The following GRM5 variants were observed in gnomAD, a reference collection of about 807,000 sequenced individuals.
The protein encoded by GRM5 is glutamate metabotropic receptor 5.
In GRM5, 19 loss-of-function variants were observed where a neutral mutation model predicts 83.1. That is an observed-to-expected ratio of 0.23 (90% CI 0.16 to 0.34). GRM5 has a LOEUF of 0.34. Among genes scored for constraint, GRM5 ranks in the 10% least tolerant of loss-of-function variants. The pLI, the probability that GRM5 is intolerant of heterozygous loss-of-function variation, is 1.00. For synonymous variants in GRM5, 675 were observed against 633.6 expected (o/e 1.07, Z -0.98); for missense variants, 1,160 against 1,588.3 (o/e 0.73, Z 4.58).
rs1206432636 is a variant in GRM5 at position 88,745,211 on chromosome 11, T to C, written c.912-91808A>G. ...CTTTTTATTTTTCTTTTTTTTTTTT[T>C]CTGAGACAGAATCTTGTTCTGTTCT... On this transcript the variant is annotated intron_variant, in intron 3 of 9. Transcript: ENST00000305447. Among the ~76,000 whole-genome samples the C allele has an allele frequency of 7.0e-5, 10 of 142,390 alleles. No individual in the cohort carries two copies. The Admixed American group carries it at 7.3e-4, about 10-fold the overall frequency. The allele number at this position is 142,390 out of a possible 152,430, so 93.4% of individuals were successfully genotyped here. A position where few individuals can be genotyped will look rare whatever the true frequency, so the allele number is the denominator to read the frequency against.
At chr11:88,772,441 A>G (rs2135451448) in intron 3 of GRM5, among the ~76,000 whole-genome samples, 1 of 149,932 alleles carries the variant, frequency 6.7e-6, no homozygotes, top group East Asian at 2.0e-4. Flanking sequence ...CCCTTTATTT[A>G]TTTTTATTCA....
At chr11:88,535,330 C>A (rs778279199) in intron 8 of GRM5, among the ~76,000 whole-genome samples, 1 of 152,086 alleles carries the variant, frequency 6.6e-6, no homozygotes, top group Non-Finnish European at 1.5e-5. Context: ...CTTCTGAGAA[C>A]GATTTCTTTA....
chr11:88,514,134 A>G (rs1941460223), intron 9 of GRM5, among the ~76,000 whole-genome samples: 1 of 152,174 alleles, frequency 6.6e-6, no homozygotes, highest in Non-Finnish European at 1.5e-5. Context: ...GGGGGCCAAA[A>G]GTAACGTCTT....
intron 3 of GRM5, among the ~76,000 whole-genome samples, chr11:88,699,974 G>T (rs1431773777): frequency 2.0e-5 from 3 of 152,114 alleles, no homozygotes; most frequent in Non-Finnish European, 4.4e-5. Context: ...CTATACCATA[G>T]ACCTTAGGGG....
At chr11:88,972,415 G>A (rs915482302) in intron 2 of GRM5, among the ~76,000 whole-genome samples, 3 of 152,086 alleles carry the variant, frequency 2.0e-5, no homozygotes, top group Admixed American at 6.6e-5. Context: ...GTCTTTGACT[G>A]TTGAGCCACT....
chr11:88,995,401 C>G (rs1393830105), intron 2 of GRM5, among the ~76,000 whole-genome samples: 1 of 151,564 alleles, frequency 6.6e-6, no homozygotes, highest in African/African-American at 2.4e-5. Flanking sequence ...AAAAATTAGC[C>G]GGGCGTGTTT....
At chr11:88,889,359 A>G (rs1197989786) in intron 2 of GRM5, among the ~76,000 whole-genome samples, 2 of 152,192 alleles carry the variant, frequency 1.3e-5, no homozygotes, top group African/African-American at 4.8e-5. Flanking sequence ...CAGGCTTGAA[A>G]AAAAATAGAG....
chr11:88,632,245 T>A (rs1400772788), intron 4 of GRM5, among the ~76,000 whole-genome samples: 1 of 118,588 alleles, frequency 8.4e-6, no homozygotes, highest in Non-Finnish European at 1.8e-5. Flanking sequence ...ACACAGTATG[T>A]ACTTTTTTTT....
At chr11:88,808,520 A>G (rs144218475) in intron 3 of GRM5, among the ~76,000 whole-genome samples, 1 of 152,126 alleles carries the variant, frequency 6.6e-6, no homozygotes, top group African/African-American at 2.4e-5. Flanking sequence ...GTTAAATAGC[A>G]TGGATTTGTG....
At chr11:89,038,895 C>G (rs114542114) in intron 2 of GRM5, among the ~76,000 whole-genome samples, 1,613 of 152,268 alleles carry the variant, frequency 0.011, 27 homozygotes, top group African/African-American at 0.036. Flanking sequence ...AAAAATCACT[C>G]TTTACTTGTC....
chr11:88,897,769 CAA>C (rs2135592383), intron 2 of GRM5, among the ~76,000 whole-genome samples: 2 of 152,028 alleles, frequency 1.3e-5, no homozygotes, highest in South Asian at 4.1e-4. Flanking sequence ...CCTGAACTCA[CAA>C]AATTTTCCGA....
chr11:88,595,271 T>G (rs963744085), intron 6 of GRM5, among the ~76,000 whole-genome samples: 13 of 152,214 alleles, frequency 8.5e-5, no homozygotes, highest in Non-Finnish European at 1.5e-4. Context: ...AGTATCCTCC[T>G]TCTAGCTATT....
intron 3 of GRM5, among the ~76,000 whole-genome samples, chr11:88,766,434 C>A (rs1942625908): frequency 6.6e-6 from 1 of 151,892 alleles, no homozygotes; most frequent in Admixed American, 6.6e-5. Context: ...ATTGACAAAC[C>A]TAGCAAAAAG....
intron 2 of GRM5, among the ~76,000 whole-genome samples, chr11:89,013,104 T>C (rs1232087700): frequency 6.6e-6 from 1 of 152,228 alleles, no homozygotes; most frequent in Non-Finnish European, 1.5e-5. Context: ...AGTTGATAGG[T>C]ACTCCCTTTG....
intron 3 of GRM5, among the ~76,000 whole-genome samples, chr11:88,814,107 A>C (rs949496318): frequency 2.6e-5 from 4 of 152,224 alleles, no homozygotes; most frequent in Non-Finnish European, 5.9e-5. Context: ...ATCCTATGTG[A>C]AACAATTAAA....
chr11:88,512,629 T>G, intron 9 of GRM5, among the ~76,000 whole-genome samples: 1 of 152,150 alleles, frequency 6.6e-6, no homozygotes, highest in East Asian at 1.9e-4. Flanking sequence ...TAAAATCCGG[T>G]TCTTATTCTG....
intron 3 of GRM5, among the ~76,000 whole-genome samples, chr11:88,666,687 CA>C (rs1362254752): frequency 3.3e-5 from 5 of 152,162 alleles, no homozygotes; most frequent in Admixed American, 6.5e-5. Context: ...GTTGTAAAGA[CA>C]AACTGGAAAG....
chr11:88,720,167 A>G (rs1941500857), intron 3 of GRM5, among the ~76,000 whole-genome samples: 1 of 152,098 alleles, frequency 6.6e-6, no homozygotes, highest in Non-Finnish European at 1.5e-5. Flanking sequence ...GTCACGTACA[A>G]AATCACAGAG....
At chr11:88,747,221 TTCCACAAAC>T (rs531067702) in intron 3 of GRM5, among the ~76,000 whole-genome samples, 68 of 152,320 alleles carry the variant, frequency 4.5e-4, no homozygotes, top group African/African-American at 1.6e-3. Context: ...CAGCTCATTT[TTCCACAAAC>T]TCTAATGATT....
Sources: allele counts gnomAD v4.1 joint callset (sites outside exome capture counted in the v4.1 genomes callset), GRCh38; gene constraint gnomAD v4.1.1; transcripts MANE v1.5; gene names NCBI Gene and HGNC (gene_info 2026-07-23, HGNC 2026-07-21).